Variants in CMC1 observed in about 807,000 individuals in gnomAD.
CMC1 encodes COX assembly mitochondrial protein homolog.
A neutral mutation model predicts 14.1 loss-of-function variants in CMC1; 14 were observed. That is an observed-to-expected ratio of 0.99 (90% CI 0.66 to 1.55). The LOEUF is 1.55. Ranked by LOEUF, CMC1 falls within the 40% of genes most tolerant of loss-of-function variation. The pLI is 0.00. For synonymous variants in CMC1, 50 were observed against 38.4 expected, an observed-to-expected ratio of 1.30 and a Z score of -1.12; for missense variants, 127 against 123.8, an observed-to-expected ratio of 1.03 and a Z score of -0.12.
intron 2 of CMC1, among the ~76,000 whole-genome samples, chr3:28,307,562 G>C (rs1702391910): frequency 6.6e-6 from 1 of 152,056 alleles, no homozygotes. Context: ...ATTCATCTGG[G>C]ATACTGTCAC....
chr3:28,323,913 C>G lies in CMC1; in HGVS notation c.*4284C>G. The G allele has an allele frequency of 9.3e-7, 1 of 1,074,864 alleles. No homozygotes were observed. Among genetic ancestry groups the G allele is most frequent in the Non-Finnish European group, 1.3e-6 (1 of 749,018 alleles). 66.6% of individuals were successfully genotyped at this position (1,074,864 alleles called of 1,614,324 possible). ...TTTTTGTACTATTGTACAGTGTGTT[C>G]AAATATAGATACTGAAGACCTCTGC... On this transcript the variant is annotated 3_prime_UTR_variant, in exon 4 of 4. Transcript: ENST00000466830.
chr3:28,276,303 G>A (rs942112563), intron 2 of CMC1, among the ~76,000 whole-genome samples: 2 of 152,120 alleles, frequency 1.3e-5, no homozygotes, highest in African/African-American at 4.8e-5. Context: ...ATTTTGTCAG[G>A]ATGGATGAAT....
chr3:28,251,126 G>A (rs1699105089), intron 1 of CMC1, among the ~76,000 whole-genome samples: 1 of 152,202 alleles, frequency 6.6e-6, no homozygotes, highest in Admixed American at 6.5e-5. Flanking sequence ...AAAGAAAGAA[G>A]TGTATTTAGC....
rs1270248949 is a variant in CMC1, at chr3:28,320,369, A to G, written c.*740A>G. On this transcript the variant is annotated 3_prime_UTR_variant, in exon 4 of 4. Coordinates refer to ENST00000466830, the MANE Select transcript of CMC1 (RefSeq NM_182523.2). The stretch of plus-strand genomic sequence containing the variant: ...GGTTTTCATACTGCATCAAAACATA[A>G]TAGGGTGTAAAAAATAGAAGGACAA... The G allele has an allele frequency of 6.6e-6, 1 of 151,516 alleles. No homozygotes were observed. Among genetic ancestry groups the G allele is most frequent in the Non-Finnish European group, 1.5e-5 (1 of 67,654 alleles). 9.4% of individuals were successfully genotyped at this position (151,516 alleles called of 1,614,324 possible).
chr3:28,252,605 A>G (rs932981706), intron 1 of CMC1, among the ~76,000 whole-genome samples: 1 of 152,304 alleles, frequency 6.6e-6, no homozygotes, highest in African/African-American at 2.4e-5. Flanking sequence ...GCTGGTTCAA[A>G]TGGTGCTTCT....
intron 2 of CMC1, among the ~76,000 whole-genome samples, chr3:28,315,551 A>G (rs1251487188): frequency 6.6e-6 from 1 of 152,194 alleles, no homozygotes; most frequent in Non-Finnish European, 1.5e-5. Context: ...CTAAGAAGAC[A>G]TGCAGAGACT....
At chr3:28,290,828 A>G (rs950335945) in intron 2 of CMC1, among the ~76,000 whole-genome samples, 3 of 152,082 alleles carry the variant, frequency 2.0e-5, no homozygotes, top group Non-Finnish European at 4.4e-5. Context: ...GTGGCTTAAA[A>G]GAGCACATAT....
chr3:28,269,852 A>C (rs765783636), intron 2 of CMC1, among the ~76,000 whole-genome samples: 14 of 152,170 alleles, frequency 9.2e-5, no homozygotes, highest in Non-Finnish European at 1.8e-4. Flanking sequence ...GGTGTGAGCC[A>C]CTACACCTGG....
chr3:28,278,067 G>C (rs992649245), intron 2 of CMC1, among the ~76,000 whole-genome samples: 1 of 152,182 alleles, frequency 6.6e-6, no homozygotes, highest in Non-Finnish European at 1.5e-5. Context: ...TGATGTGATT[G>C]TGTGATTGAT....
intron 2 of CMC1, among the ~76,000 whole-genome samples, chr3:28,269,480 C>T (rs1170170479): frequency 2.0e-5 from 3 of 151,934 alleles, no homozygotes; most frequent in African/African-American, 7.3e-5. Flanking sequence ...GATACATGTG[C>T]AGGATGTGCA....
Position 28,322,419 on chromosome 3 carries a change from C to T in CMC1, c.*2790C>T, listed in dbSNP as rs1367204149. 6.6e-6 allele frequency: 1 copy of T among 151,544 alleles called. No homozygotes were observed. The highest frequency in any genetic ancestry group is 2.4e-5 in the African/African-American group (1 of 41,292). 9.4% of individuals were successfully genotyped at this position (151,544 alleles called of 1,614,324 possible). A position where few individuals can be genotyped will look rare whatever the true frequency, so the allele number is the denominator to read the frequency against. ...TCTTGGTATTGTTCAAAACATTAATCAAGCAATTATCTCATAAGACTTTTT... is the reference window on the plus strand; with the variant it reads ...TCTTGGTATTGTTCAAAACATTAATTAAGCAATTATCTCATAAGACTTTTT... On this transcript the variant is annotated 3_prime_UTR_variant, in exon 4 of 4. Coordinates refer to ENST00000466830, the MANE Select transcript of CMC1 (RefSeq NM_182523.2).
intron 1 of CMC1, among the ~76,000 whole-genome samples, chr3:28,256,131 G>A (rs931159146): frequency 7.3e-5 from 11 of 151,358 alleles, no homozygotes; most frequent in Admixed American, 2.0e-4. Context: ...TAATCAGTAG[G>A]AGAAAAAACA....
chr3:28,279,689 T>C (rs1192499064), intron 2 of CMC1, among the ~76,000 whole-genome samples: 3 of 144,362 alleles, frequency 2.1e-5, no homozygotes, highest in African/African-American at 7.6e-5. Flanking sequence ...ACTTTTAGAA[T>C]GGAAATGAAT....
At chr3:28,245,966 G>C (rs969944007) in intron 1 of CMC1, among the ~76,000 whole-genome samples, 1 of 151,860 alleles carries the variant, frequency 6.6e-6, no homozygotes, top group Admixed American at 6.6e-5. Flanking sequence ...TTTTTTTAGT[G>C]ATGGGGTTTC....
At chr3:28,292,041 G>A (rs1172630581) in intron 2 of CMC1, 1 of 151,966 alleles carries the variant, frequency 6.6e-6, no homozygotes, top group Non-Finnish European at 1.5e-5. Context: ...GGCTATTTGT[G>A]CCCTCAGTCT....
chr3:28,262,437 G>C (rs1699779659), intron 1 of CMC1, among the ~76,000 whole-genome samples: 1 of 152,122 alleles, frequency 6.6e-6, no homozygotes, highest in Non-Finnish European at 1.5e-5. Context: ...GTGGCCTGAA[G>C]GCAGCAGAGG....
intron 2 of CMC1, among the ~76,000 whole-genome samples, chr3:28,274,212 GTTTTTTTC>G (rs1373398704): frequency 1.1e-5 from 1 of 88,200 alleles, no homozygotes; most frequent in Non-Finnish European, 2.2e-5. Context: ...AAGTGTTTTT[GTTTTTTTC>G]TTTTTTTTTT....
At chr3:28,277,961 G>A (rs998937639) in intron 2 of CMC1, among the ~76,000 whole-genome samples, 1 of 114,054 alleles carries the variant, frequency 8.8e-6, no homozygotes, top group South Asian at 3.9e-4. Context: ...AAGAGACAGG[G>A]TCTGATTTAT....
intron 2 of CMC1, among the ~76,000 whole-genome samples, chr3:28,282,009 G>T (rs1267604428): frequency 6.6e-6 from 1 of 152,110 alleles, no homozygotes; most frequent in Non-Finnish European, 1.5e-5. Context: ...GTCTGAAACA[G>T]AAGTTTAGAT....
Sources: gnomAD v4.1 joint callset for allele counts (sites outside exome capture counted in the v4.1 genomes callset) on GRCh38, gnomAD v4.1.1 for gene constraint, MANE v1.5 for transcripts, NCBI Gene and HGNC (gene_info 2026-07-23, HGNC 2026-07-21) for gene names.